The following TRPM3 variants were observed in gnomAD, a reference collection of about 807,000 sequenced individuals.
TRPM3 encodes transient receptor potential cation channel subfamily M member 3, also known as long transient receptor potential channel 3.
Under a neutral mutation model 181.2 loss-of-function variants are expected in TRPM3, and 77 were observed. The ratio of observed to expected loss-of-function variants is 0.42; its 90% CI spans 0.35 to 0.51. The LOEUF is 0.51. Ranked by LOEUF, TRPM3 falls within the 20% of genes least tolerant of loss-of-function variation. The pLI is 0.01. For missense variants in TRPM3, 1,759 were observed against 2,196.7 expected, an observed-to-expected ratio of 0.80 and a Z score of 3.98; for synonymous variants, 745 against 796.4, an observed-to-expected ratio of 0.94 and a Z score of 1.09.
chr9:71,333,207 C>T (rs1290264531), intron 1 of TRPM3, among the ~76,000 whole-genome samples: 3 of 151,896 alleles, frequency 2.0e-5, no homozygotes, highest in African/African-American at 7.3e-5. Context: ...TGCAAGAAGT[C>T]GGCTCTGAAC....
chr9:71,446,816 T>G, exon 1 of TRPM3: 1 of 1,547,326 alleles, frequency 6.5e-7, no homozygotes, highest in South Asian at 1.2e-5. Context: ...TTCCGCCGCA[T>G]CCCTCCACTT....
At chr9:70,957,456 G>C (rs1486024982) in intron 1 of TRPM3, among the ~76,000 whole-genome samples, 1 of 152,068 alleles carries the variant, frequency 6.6e-6, no homozygotes, top group Non-Finnish European at 1.5e-5. Context: ...GGGTTAAAAG[G>C]ACTGAATTAC....
chr9:70,632,198 G>C (rs2065979097), intron 12 of TRPM3, among the ~76,000 whole-genome samples: 1 of 152,112 alleles, frequency 6.6e-6, no homozygotes, highest in Non-Finnish European at 1.5e-5. Context: ...TGTAGCCTTT[G>C]ATTATCCTAT....
chr9:70,988,095 T>C (rs2134092996), intron 1 of TRPM3, among the ~76,000 whole-genome samples: 1 of 152,304 alleles, frequency 6.6e-6, no homozygotes, highest in Non-Finnish European at 1.5e-5. Flanking sequence ...CTTATGTAAG[T>C]CACTGAAATT....
At chr9:70,765,909 T>C (rs542481078) in intron 7 of TRPM3, among the ~76,000 whole-genome samples, 4 of 152,336 alleles carry the variant, frequency 2.6e-5, no homozygotes, top group East Asian at 3.9e-4. Flanking sequence ...AGAATATTGA[T>C]TGAAAATTTC....
chr9:70,915,561 T>C (rs190244590), intron 1 of TRPM3, among the ~76,000 whole-genome samples: 4 of 151,806 alleles, frequency 2.6e-5, no homozygotes, highest in South Asian at 2.1e-4. Flanking sequence ...CGCCTTGGCC[T>C]CCCACAGTGC....
intron 1 of TRPM3, among the ~76,000 whole-genome samples, chr9:71,078,281 T>C (rs953695257): frequency 6.6e-6 from 1 of 152,200 alleles, no homozygotes. Flanking sequence ...TGTGCTGATA[T>C]GAAATTTTCT....
intron 22 of TRPM3, among the ~76,000 whole-genome samples, chr9:70,563,809 T>G (rs2132043355): frequency 6.6e-6 from 1 of 152,316 alleles, no homozygotes; most frequent in South Asian, 2.1e-4. Flanking sequence ...GAAAAGCAGA[T>G]GAGTGTGGTC....
intron 1 of TRPM3, among the ~76,000 whole-genome samples, chr9:70,949,207 CTTTTTT>C (rs112588417): frequency 8.7e-5 from 13 of 150,224 alleles, no homozygotes; most frequent in African/African-American, 2.9e-4. Flanking sequence ...GAACAGTAGT[CTTTTTT>C]TTTTAATTTT....
intron 1 of TRPM3, among the ~76,000 whole-genome samples, chr9:71,252,901 G>A (rs764966338): frequency 7.5e-6 from 1 of 132,914 alleles, no homozygotes; most frequent in Non-Finnish European, 1.5e-5. Flanking sequence ...TGCCCAGGAT[G>A]GTCTTGAACT....
intron 1 of TRPM3, among the ~76,000 whole-genome samples, chr9:71,177,827 T>C (rs1757100550): frequency 6.6e-6 from 1 of 151,936 alleles, no homozygotes; most frequent in Admixed American, 6.6e-5. Context: ...AGGGTTATCT[T>C]ACATTGACTT....
intron 1 of TRPM3, among the ~76,000 whole-genome samples, chr9:71,079,293 C>CAGT (rs2133710221): frequency 6.6e-6 from 1 of 152,290 alleles, no homozygotes; most frequent in African/African-American, 2.4e-5. Flanking sequence ...GATCTATGGA[C>CAGT]AGTGGCAAGT....
chr9:71,398,643 A>G (rs948984598), intron 1 of TRPM3, among the ~76,000 whole-genome samples: 2 of 152,150 alleles, frequency 1.3e-5, no homozygotes, highest in Non-Finnish European at 2.9e-5. Context: ...CATGATTGTA[A>G]GTTTCCTGAG....
At chr9:71,328,219 C>A (rs1408346894) in intron 1 of TRPM3, among the ~76,000 whole-genome samples, 1 of 152,194 alleles carries the variant, frequency 6.6e-6, no homozygotes, top group Non-Finnish European at 1.5e-5. Context: ...GGCTGGAGTG[C>A]AGTGGCTGAT....
At chr9:71,193,698 CTT>C (rs1270868599) in intron 1 of TRPM3, among the ~76,000 whole-genome samples, 1 of 151,906 alleles carries the variant, frequency 6.6e-6, no homozygotes, top group Non-Finnish European at 1.5e-5. Context: ...CCAAACTTAA[CTT>C]TTCTATTCTC....
At position 70,862,894 on chromosome 9, in the gene TRPM3, G is replaced by A. The variant is rs950698631; in HGVS notation, c.462+14C>T. ...AGATAGCATTTGGGAGCAACTGAAT[G>A]GCTTTCTGATTACCATGGCTTTGTT... On this transcript the variant is annotated intron_variant, in intron 3 of 25. Transcript: ENST00000677713. The A allele has an allele frequency of 2.5e-6, 4 of 1,612,394 alleles. No homozygotes were observed. In the African/African-American group the frequency reaches 5.3e-5, roughly 22 times the overall value.
At chr9:70,805,054 A>G (rs142235101) in intron 6 of TRPM3, among the ~76,000 whole-genome samples, 395 of 152,296 alleles carry the variant, frequency 2.6e-3, no homozygotes, top group Non-Finnish European at 4.7e-3. Flanking sequence ...GCAGAGATCA[A>G]GCAAGCTTGG....
intron 1 of TRPM3, among the ~76,000 whole-genome samples, chr9:71,170,910 A>G (rs1038892604): frequency 1.3e-5 from 2 of 152,238 alleles, no homozygotes; most frequent in Non-Finnish European, 2.9e-5. Context: ...GCTGGGCAGA[A>G]CAGAGCCATA....
chr9:71,112,465 G>C (rs541654853), intron 1 of TRPM3, among the ~76,000 whole-genome samples: 1 of 152,012 alleles, frequency 6.6e-6, no homozygotes, highest in Non-Finnish European at 1.5e-5. Context: ...TTGGGGAATC[G>C]ATGAACTAAA....
Sources: gnomAD v4.1 joint callset for allele counts (sites outside exome capture counted in the v4.1 genomes callset) on GRCh38, gnomAD v4.1.1 for gene constraint, MANE v1.5 for transcripts, NCBI Gene and HGNC (gene_info 2026-07-23, HGNC 2026-07-21) for gene names.